The following EIF5B variants were observed in gnomAD, a reference collection of about 807,000 sequenced individuals.
EIF5B encodes the protein eukaryotic translation initiation factor 5B, also known as eIF-5B.
A neutral mutation model predicts 147.5 loss-of-function variants in EIF5B; 47 were observed. That is an observed-to-expected ratio of 0.32 (90% CI 0.25 to 0.41). EIF5B has a LOEUF of 0.41. Among genes scored for constraint, EIF5B ranks in the 10% least tolerant of loss-of-function variants. The pLI is 1.00. For missense variants in EIF5B, 1,064 were observed against 1,413.2 expected, an observed-to-expected ratio of 0.75 and a Z score of 3.96; for synonymous variants, 455 against 456.2, an observed-to-expected ratio of 1.00 and a Z score of 0.03.
At chr2:99,339,685 ACAC>A (rs2094255371) in intron 1 of EIF5B, among the ~76,000 whole-genome samples, 1 of 151,888 alleles carries the variant, frequency 6.6e-6, no homozygotes, top group Non-Finnish European at 1.5e-5. Flanking sequence ...TTCCCTACTT[ACAC>A]TTTTTACTTT....
chr2:99,386,044 A>C (rs1674800105), intron 14 of EIF5B, among the ~76,000 whole-genome samples: 1 of 152,232 alleles, frequency 6.6e-6, no homozygotes, highest in Admixed American at 6.5e-5. Context: ...TTGTCATTAC[A>C]TGTATAAAGG....
At chr2:99,376,796 T>C (rs1207139538) in intron 10 of EIF5B, among the ~76,000 whole-genome samples, 160 bp downstream of exon 10, 2 of 152,232 alleles carry the variant, frequency 1.3e-5, no homozygotes, top group Admixed American at 6.5e-5. Context: ...CCTTTGATAC[T>C]GGTCTTACCC....
At chr2:99,368,990 A>G (rs1269037447) in intron 7 of EIF5B, among the ~76,000 whole-genome samples, 5 of 152,256 alleles carry the variant, frequency 3.3e-5, no homozygotes. Context: ...AGGTTTGCAC[A>G]GGCTGGGTAC....
Position 99,401,134 on chromosome 2 carries a change from A to G in EIF5B, c.*1720A>G, listed in dbSNP as rs558803639. 2 of 597,416 alleles carry G rather than the reference A, an allele frequency of 3.3e-6. No individual in the cohort carries two copies. The highest frequency in any genetic ancestry group is 6.4e-5 in the South Asian group (2 of 31,240). 37.0% of individuals were successfully genotyped at this position (597,416 alleles called of 1,614,324 possible). On this transcript the variant is annotated 3_prime_UTR_variant, in exon 24 of 24. Transcript: ENST00000289371. Reference sequence around the variant, plus strand: ...ATGTACAAAACACTTGCTTTAAAAGAAATTTAAAATTATAAAAACTCCGAG... The same window carrying G: ...ATGTACAAAACACTTGCTTTAAAAGGAATTTAAAATTATAAAAACTCCGAG...
chr2:99,349,794 A>G (rs1263246782), intron 1 of EIF5B, among the ~76,000 whole-genome samples: 2 of 152,158 alleles, frequency 1.3e-5, no homozygotes, highest in Non-Finnish European at 2.9e-5. Context: ...AACACTTGTC[A>G]TTTCTTTGTG....
intron 6 of EIF5B, among the ~76,000 whole-genome samples, chr2:99,365,738 G>T (rs3791212): frequency 0.44 from 66,419 of 151,918 alleles, 14,793 homozygotes; most frequent in Admixed American, 0.57. Context: ...CATCCCTGAC[G>T]CTGGTCTCTT....
intron 1 of EIF5B, chr2:99,340,836 C>G (rs2094257765): frequency 6.6e-6 from 1 of 151,804 alleles, no homozygotes; most frequent in Non-Finnish European, 1.5e-5. Flanking sequence ...GTGGCGCGAT[C>G]TCCACTCACT....
intron 1 of EIF5B, among the ~76,000 whole-genome samples, chr2:99,349,402 C>G (rs1019369278): frequency 6.6e-6 from 1 of 152,154 alleles, no homozygotes; most frequent in African/African-American, 2.4e-5. Flanking sequence ...CTGTCATTAT[C>G]AAATGAAATT....
chr2:99,377,675 G>A (rs1216924217), intron 10 of EIF5B, among the ~76,000 whole-genome samples: 1 of 152,064 alleles, frequency 6.6e-6, no homozygotes, highest in Non-Finnish European at 1.5e-5. Flanking sequence ...CTGCTCCCTA[G>A]ATTAGTTAAT....
intron 10 of EIF5B, among the ~76,000 whole-genome samples, chr2:99,378,178 G>A (rs1194550365): frequency 1.3e-5 from 2 of 152,168 alleles, no homozygotes; most frequent in African/African-American, 4.8e-5. Flanking sequence ...AAAATCTAAT[G>A]TCTAGTACTA....
At position 99,399,176 on chromosome 2, in the gene EIF5B, A is replaced by C. The variant is rs2305353; in HGVS notation, c.3556-131A>C. 633 of 896,438 alleles carry C rather than the reference A, an allele frequency of 7.1e-4. 9 individuals are homozygous for C. In the East Asian group the frequency reaches 0.016, roughly 23 times the overall value. 55.5% of individuals were successfully genotyped at this position (896,438 alleles called of 1,614,324 possible). A position where few individuals can be genotyped will look rare whatever the true frequency, so the allele number is the denominator to read the frequency against. ...TGTGATTTTGGAATTCTACTCCCTT[A>C]GGCAGGCAAGCCCTGTTTTTTATTT... On this transcript the variant is annotated intron_variant, in intron 23 of 23. Coordinates refer to ENST00000289371, the MANE Select transcript of EIF5B (RefSeq NM_015904.4).
chr2:99,389,135 G>A (rs901872662), intron 14 of EIF5B, among the ~76,000 whole-genome samples: 1 of 151,898 alleles, frequency 6.6e-6, no homozygotes, highest in Non-Finnish European at 1.5e-5. Flanking sequence ...TCTTTATTTT[G>A]TCACCCTAGA....
At chr2:99,342,987 G>A (rs1037928368) in intron 1 of EIF5B, among the ~76,000 whole-genome samples, 34 of 148,440 alleles carry the variant, frequency 2.3e-4, no homozygotes, top group African/African-American at 8.2e-4. Flanking sequence ...TTGAGACCGG[G>A]TCTTACTCTG....
intron 19 of EIF5B, 37 bp downstream of exon 19, chr2:99,394,435 G>T: frequency 6.2e-7 from 1 of 1,613,402 alleles, no homozygotes; most frequent in Non-Finnish European, 8.5e-7. Flanking sequence ...GTGAATGGTG[G>T]TTGGTCGTGG....
intron 8 of EIF5B, 143 bp from the exon 9 acceptor site, chr2:99,371,513 C>A: frequency 1.4e-5 from 7 of 498,256 alleles, no homozygotes; most frequent in Non-Finnish European, 1.7e-5. Context: ...AAAGATAGTT[C>A]TAAAGATAAT....
intron 6 of EIF5B, among the ~76,000 whole-genome samples, chr2:99,365,732 C>T (rs941087557): frequency 1.3e-5 from 2 of 151,794 alleles, no homozygotes; most frequent in African/African-American, 4.8e-5. Flanking sequence ...AAGTGGCATC[C>T]CTGACGCTGG....
At chr2:99,345,195 A>G (rs2094269790) in intron 1 of EIF5B, among the ~76,000 whole-genome samples, 2 of 152,180 alleles carry the variant, frequency 1.3e-5, no homozygotes, top group African/African-American at 2.4e-5. Context: ...TTTTTTATTA[A>G]ACTGCTGTGT....
At chr2:99,363,411 G>T (rs1337322886) in intron 4 of EIF5B, among the ~76,000 whole-genome samples, 1 of 152,100 alleles carries the variant, frequency 6.6e-6, no homozygotes, top group African/African-American at 2.4e-5. Flanking sequence ...TATTCCTCAG[G>T]ACATCTGAGA....
chr2:99,344,238 GAT>G (rs2094267676), intron 1 of EIF5B, among the ~76,000 whole-genome samples: 1 of 152,074 alleles, frequency 6.6e-6, no homozygotes, highest in Non-Finnish European at 1.5e-5. Flanking sequence ...TTTATATGTG[GAT>G]ATCTAGTTGT....
Sources: allele counts gnomAD v4.1 joint callset (sites outside exome capture counted in the v4.1 genomes callset), GRCh38; gene constraint gnomAD v4.1.1; transcripts MANE v1.5; gene names NCBI Gene and HGNC (gene_info 2026-07-23, HGNC 2026-07-21).